L3MBTL4: variants seen among roughly 807,000 people sequenced by gnomAD.
The protein encoded by L3MBTL4 is lethal(3)malignant brain tumor-like protein 4.
A neutral mutation model predicts 84.5 loss-of-function variants in L3MBTL4; 70 were observed. That is an observed-to-expected ratio of 0.83 (90% CI 0.68 to 1.01). The LOEUF is 1.01. Among genes scored for constraint, L3MBTL4 ranks in the 50% least tolerant of loss-of-function variants. The pLI is 0.00. For missense variants in L3MBTL4, 715 were observed against 754.8 expected (o/e 0.95, Z 0.62); for synonymous variants, 274 against 259.8 (o/e 1.05, Z -0.52).
intron 17 of L3MBTL4, among the ~76,000 whole-genome samples, chr18:5,964,827 C>A (rs376595838): frequency 1.3e-5 from 2 of 152,322 alleles, no homozygotes; most frequent in African/African-American, 4.8e-5. Context: ...ATATACCTGG[C>A]AGAATCAGGG....
At position 6,154,283 on chromosome 18, in the gene L3MBTL4, C is replaced by G. The variant is rs191209699; in HGVS notation, c.1097-15987G>C. Among the ~76,000 whole-genome samples, 160 of 152,186 alleles carry G rather than the reference C, an allele frequency of 1.1e-3. 1 individual carries two copies. The highest frequency in any genetic ancestry group is 3.7e-3 in the African/African-American group (153 of 41,502). On this transcript the variant is annotated intron_variant, in intron 13 of 18. Transcript: ENST00000317931. ...AAAATTTTTATATGTTTATGTACACCAACTTCTTGTTGCAACTATTCCTAG... is the reference window on the plus strand; with the variant it reads ...AAAATTTTTATATGTTTATGTACACGAACTTCTTGTTGCAACTATTCCTAG...
chr18:5,988,138 C>A (rs1002849930), intron 16 of L3MBTL4, among the ~76,000 whole-genome samples: 2 of 152,196 alleles, frequency 1.3e-5, no homozygotes, highest in African/African-American at 2.4e-5. Context: ...GCCAAGACAA[C>A]GTAGTCCATC....
chr18:6,174,990 T>C (rs373246600), intron 12 of L3MBTL4, among the ~76,000 whole-genome samples: 10 of 151,894 alleles, frequency 6.6e-5, no homozygotes, highest in African/African-American at 2.2e-4. Context: ...GGAGCAGGAA[T>C]AGTGGTCAAA....
At chr18:6,206,521 A>G (rs983723621) in intron 12 of L3MBTL4, among the ~76,000 whole-genome samples, 7 of 152,252 alleles carry the variant, frequency 4.6e-5, no homozygotes, top group African/African-American at 1.7e-4. Flanking sequence ...AGGGAGTTCT[A>G]GAGTAGGCGC....
chr18:6,167,154 A>G (rs2043709916), intron 13 of L3MBTL4, among the ~76,000 whole-genome samples: 1 of 152,230 alleles, frequency 6.6e-6, no homozygotes, highest in African/African-American at 2.4e-5. Context: ...GAATAGATCA[A>G]TAACAGGCTC....
intron 16 of L3MBTL4, among the ~76,000 whole-genome samples, chr18:6,008,607 C>T (rs1234324213): frequency 6.6e-6 from 1 of 152,126 alleles, no homozygotes; most frequent in Admixed American, 6.5e-5. Flanking sequence ...TGTCTGGGGG[C>T]TTCACCCTCA....
intron 17 of L3MBTL4, among the ~76,000 whole-genome samples, chr18:5,963,817 T>A (rs920317579): frequency 6.6e-6 from 1 of 152,242 alleles, no homozygotes; most frequent in Non-Finnish European, 1.5e-5. Flanking sequence ...TTCCCTCTCA[T>A]TCTCCCTTTA....
chr18:6,109,769 T>C (rs973373456), intron 14 of L3MBTL4, among the ~76,000 whole-genome samples: 1 of 152,216 alleles, frequency 6.6e-6, no homozygotes, highest in African/African-American at 2.4e-5. Flanking sequence ...CTAACAACTA[T>C]GGGTCCCCGA....
chr18:6,229,077 A>T (rs983473967), intron 10 of L3MBTL4, among the ~76,000 whole-genome samples: 6 of 152,214 alleles, frequency 3.9e-5, no homozygotes, highest in African/African-American at 1.4e-4. Flanking sequence ...CTTATAATAG[A>T]TGCACTAAAT....
At chr18:6,251,706 T>C (rs1043832592) in intron 5 of L3MBTL4, among the ~76,000 whole-genome samples, 1 of 152,184 alleles carries the variant, frequency 6.6e-6, no homozygotes, top group African/African-American at 2.4e-5. Flanking sequence ...ATTATAAATA[T>C]AATAAATGTT....
chr18:5,969,441 G>A lies in L3MBTL4; in HGVS notation c.1566C>T (p.Gly522=), dbSNP rs530335558. The change falls in exon 17 of 19, where the codon GGC becomes GGT. Residue 522 remains glycine (G), a synonymous_variant. Transcript: ENST00000317931. ...CTTGGCTGGCCCGGATGTCAGCCAC[G>A]CCTGGAAGCAACTTGCAGTGTTGCT... ...GREQHCKLLP[G]VADIRASQVA... 58 of 1,613,624 alleles carry A rather than the reference G, an allele frequency of 3.6e-5. No homozygotes were observed. The East Asian group carries it at 6.0e-4, about 17-fold the overall frequency.
Position 6,034,958 on chromosome 18 carries a change from G to A in L3MBTL4, c.1444+45923C>T, listed in dbSNP as rs1417999776. On this transcript the variant is annotated intron_variant, in intron 16 of 18. Coordinates refer to ENST00000317931, the MANE Select transcript of L3MBTL4 (RefSeq NM_001330559.2). ...GCATAAATGTCTTCTTTTGAGAAGT[G>A]TCTGTTCATGTCCTTTGCCCACTTT... Among the ~76,000 whole-genome samples the A allele has an allele frequency of 3.3e-5, 5 of 151,342 alleles. No individual in the cohort carries two copies. The East Asian group carries it at 5.8e-4, about 18-fold the overall frequency.
intron 16 of L3MBTL4, among the ~76,000 whole-genome samples, chr18:6,056,926 C>T (rs1217846111): frequency 6.6e-6 from 1 of 152,134 alleles, no homozygotes; most frequent in Non-Finnish European, 1.5e-5. Flanking sequence ...TAAATGAAAA[C>T]TGCTAGATGA....
chr18:6,222,007 A>T (rs892043871), intron 10 of L3MBTL4, among the ~76,000 whole-genome samples: 1 of 152,244 alleles, frequency 6.6e-6, no homozygotes, highest in African/African-American at 2.4e-5. Context: ...TACATGACTC[A>T]GAAATACAAG....
chr18:6,203,641 C>T (rs1599135210), intron 12 of L3MBTL4, among the ~76,000 whole-genome samples: 1 of 152,162 alleles, frequency 6.6e-6, no homozygotes, highest in Admixed American at 6.5e-5. Flanking sequence ...AAAGAACAGC[C>T]AGTCCCTCCT....
chr18:6,154,274 T>C (rs1270386375), intron 13 of L3MBTL4, among the ~76,000 whole-genome samples: 2 of 152,220 alleles, frequency 1.3e-5, no homozygotes, highest in African/African-American at 2.4e-5. Context: ...TTTATATGTT[T>C]ATGTACACCA....
intron 12 of L3MBTL4, among the ~76,000 whole-genome samples, chr18:6,198,920 C>G (rs183887937): frequency 6.6e-6 from 1 of 152,064 alleles, no homozygotes; most frequent in East Asian, 1.9e-4. Flanking sequence ...ATAGAAAGGC[C>G]AATTTAAATA....
chr18:6,193,261 G>C (rs2045211456), intron 12 of L3MBTL4, among the ~76,000 whole-genome samples: 1 of 151,982 alleles, frequency 6.6e-6, no homozygotes, highest in Admixed American at 6.6e-5. Flanking sequence ...GAGTCATGTT[G>C]GTGAGAGTGA....
chr18:6,284,118 G>A (rs2049448522), intron 4 of L3MBTL4, among the ~76,000 whole-genome samples: 1 of 152,166 alleles, frequency 6.6e-6, no homozygotes, highest in African/African-American at 2.4e-5. Context: ...TGTTGTTGTT[G>A]TTTGGTATCA....
Sources: allele counts gnomAD v4.1 joint callset (sites outside exome capture counted in the v4.1 genomes callset), GRCh38; gene constraint gnomAD v4.1.1; transcripts MANE v1.5; gene names NCBI Gene and HGNC (gene_info 2026-07-23, HGNC 2026-07-21).